The following RBFOX1 variants were observed in gnomAD, a reference collection of about 807,000 sequenced individuals.
The protein encoded by RBFOX1 is RNA binding protein fox-1 homolog 1.
A neutral mutation model predicts 57.7 loss-of-function variants in RBFOX1; 8 were observed. The observed-to-expected ratio is 0.14, with a 90% CI of 0.08 to 0.25. The LOEUF (loss-of-function observed/expected upper bound fraction) is 0.25. Ranked by LOEUF, RBFOX1 falls within the 10% of genes least tolerant of loss-of-function variation. The probability of loss-of-function intolerance (pLI) is 1.00; values close to 1 mark genes in which losing one functional copy is unlikely to be tolerated. For missense variants in RBFOX1, 611 were observed against 548.5 expected, an observed-to-expected ratio of 1.11 and a Z score of -1.14; for synonymous variants, 326 against 222.4, an observed-to-expected ratio of 1.47 and a Z score of -4.15.
chr16:5,787,317 A>C (rs530739927), intron 3 of RBFOX1, among the ~76,000 whole-genome samples: 2 of 152,202 alleles, frequency 1.3e-5, no homozygotes, highest in Non-Finnish European at 2.9e-5. Flanking sequence ...CCTCCAGTGC[A>C]CACAGAAGAG....
At chr16:6,499,534 A>T (rs903040222) in intron 2 of RBFOX1, among the ~76,000 whole-genome samples, 1 of 152,056 alleles carries the variant, frequency 6.6e-6, no homozygotes, top group Non-Finnish European at 1.5e-5. Flanking sequence ...GATTGGGTGT[A>T]TTTTTCATCA....
intron 1 of RBFOX1, among the ~76,000 whole-genome samples, chr16:5,430,514 C>G (rs1404290396): frequency 1.3e-5 from 2 of 152,116 alleles, no homozygotes; most frequent in Non-Finnish European, 2.9e-5. Flanking sequence ...GAAGAGCACC[C>G]AGGAACGGAA....
intron 3 of RBFOX1, among the ~76,000 whole-genome samples, chr16:7,007,289 T>C (rs989786936): frequency 2.0e-5 from 3 of 152,212 alleles, no homozygotes; most frequent in African/African-American, 4.8e-5. Context: ...TTCCAACTCA[T>C]AGTCAGCAAT....
intron 4 of RBFOX1, among the ~76,000 whole-genome samples, chr16:7,391,064 T>C (rs907472547): frequency 5.3e-5 from 8 of 152,148 alleles, no homozygotes; most frequent in Non-Finnish European, 1.0e-4. Context: ...TTCCTTCTGC[T>C]CCTAGTCCTT....
At chr16:6,625,234 A>T (rs980372226) in intron 2 of RBFOX1, among the ~76,000 whole-genome samples, 6 of 150,996 alleles carry the variant, frequency 4.0e-5, no homozygotes, top group African/African-American at 1.5e-4. Context: ...AAACAATTTC[A>T]CAAACAATTA....
In RBFOX1 at chr16:6,991,700, C is replaced by T. The variant is rs368034942; in HGVS notation, c.-15-60357C>T. Among the ~76,000 whole-genome samples the T allele has an allele frequency of 1.2e-4, 18 of 152,194 alleles. 1 individual carries two copies. In the South Asian group the frequency reaches 3.5e-3, roughly 30 times the overall value. On this transcript the variant is annotated intron_variant, in intron 3 of 15. Coordinates refer to ENST00000550418, the MANE Select transcript of RBFOX1 (RefSeq NM_018723.4). The stretch of plus-strand genomic sequence containing the variant: ...CACAGGCTTGTGCTGCCATTCCTGC[C>T]TGACTTTTGTAGTTTTGGTAGAGGT...
chr16:7,537,933 G>A (rs1241436277), intron 5 of RBFOX1, among the ~76,000 whole-genome samples: 3 of 152,210 alleles, frequency 2.0e-5, no homozygotes, highest in African/African-American at 4.8e-5. Context: ...TGCCTTTTGG[G>A]CATTGATCCC....
chr16:7,044,373 G>T (rs2047190338), intron 3 of RBFOX1, among the ~76,000 whole-genome samples: 1 of 152,178 alleles, frequency 6.6e-6, no homozygotes, highest in Non-Finnish European at 1.5e-5. Flanking sequence ...AAAGCAGGAA[G>T]AACTGATAAG....
chr16:7,674,982 C>T (rs1312144920), intron 13 of RBFOX1, among the ~76,000 whole-genome samples: 2 of 152,182 alleles, frequency 1.3e-5, no homozygotes, highest in Non-Finnish European at 2.9e-5. Flanking sequence ...CTGATTGCTG[C>T]AAATACTTTT....
At chr16:7,672,737 C>G (rs2071890518) in intron 13 of RBFOX1, among the ~76,000 whole-genome samples, 1 of 151,634 alleles carries the variant, frequency 6.6e-6, no homozygotes, top group African/African-American at 2.4e-5. Context: ...CGTGGTGGCA[C>G]ATGCCTGCAG....
intron 2 of RBFOX1, among the ~76,000 whole-genome samples, chr16:5,560,997 G>C (rs2045871402): frequency 6.6e-6 from 1 of 152,108 alleles, no homozygotes; most frequent in African/African-American, 2.4e-5. Flanking sequence ...GTTAATGCCA[G>C]GACTAAACCT....
intron 4 of RBFOX1, among the ~76,000 whole-genome samples, chr16:6,010,820 T>G (rs1194799936): frequency 6.6e-6 from 1 of 152,222 alleles, no homozygotes. Flanking sequence ...TACTTTATAG[T>G]CCTAAAAGAC....
chr16:6,049,740 A>C (rs1316082801), intron 1 of RBFOX1, among the ~76,000 whole-genome samples: 4 of 152,152 alleles, frequency 2.6e-5, no homozygotes. Context: ...GTTCAGAGCA[A>C]AATTGAGCAG....
At chr16:6,363,779 T>C (rs1445238760) in intron 2 of RBFOX1, among the ~76,000 whole-genome samples, 1 of 152,228 alleles carries the variant, frequency 6.6e-6, no homozygotes, top group Non-Finnish European at 1.5e-5. Flanking sequence ...GAACTAATAA[T>C]TGTGTCCATG....
chr16:5,416,693 C>A (rs1193539835), intron 1 of RBFOX1, among the ~76,000 whole-genome samples: 1 of 142,248 alleles, frequency 7.0e-6, no homozygotes. Flanking sequence ...TTTTTTTTTT[C>A]CTCTGGTCGT....
chr16:5,750,535 G>C (rs1567489580), intron 3 of RBFOX1, among the ~76,000 whole-genome samples: 2 of 152,206 alleles, frequency 1.3e-5, no homozygotes, highest in Non-Finnish European at 2.9e-5. Flanking sequence ...CTTCCCATCT[G>C]CTTTGTTTAC....
At chr16:7,199,196 C>T (rs2087611158) in intron 4 of RBFOX1, among the ~76,000 whole-genome samples, 1 of 152,146 alleles carries the variant, frequency 6.6e-6, no homozygotes, top group African/African-American at 2.4e-5. Flanking sequence ...TTTAACTGCA[C>T]TTCAGCATAG....
intron 1 of RBFOX1, among the ~76,000 whole-genome samples, chr16:5,449,186 G>C (rs190821683): frequency 6.6e-6 from 1 of 152,108 alleles, no homozygotes; most frequent in East Asian, 1.9e-4. Context: ...CCCCACTCCC[G>C]ACAAGGCATC....
chr16:6,756,311 C>G (rs1394663053), intron 3 of RBFOX1, among the ~76,000 whole-genome samples: 3 of 151,960 alleles, frequency 2.0e-5, no homozygotes, highest in African/African-American at 4.8e-5. Flanking sequence ...TTACCGTATA[C>G]AAAAATCAAC....
Sources: allele counts gnomAD v4.1 joint callset (sites outside exome capture counted in the v4.1 genomes callset), GRCh38; gene constraint gnomAD v4.1.1; transcripts MANE v1.5; gene names NCBI Gene and HGNC (gene_info 2026-07-23, HGNC 2026-07-21).